Variants in TTLL11 observed in about 807,000 individuals in gnomAD.
TTLL11 encodes tubulin tyrosine ligase like 11.
In TTLL11, 42 loss-of-function variants were observed where a neutral mutation model predicts 51.7. The ratio of observed to expected loss-of-function variants is 0.81; its 90% CI spans 0.64 to 1.05. TTLL11 has a LOEUF of 1.05. Among genes scored for constraint, TTLL11 ranks in the 50% least tolerant of loss-of-function variants. The probability of loss-of-function intolerance (pLI) is 0.00; values close to 1 mark genes in which losing one functional copy is unlikely to be tolerated. For synonymous variants in TTLL11, 381 were observed against 383.5 expected (o/e 0.99, Z 0.08); for missense variants, 799 against 940.4 (o/e 0.85, Z 1.97).
At chr9:121,902,127 T>C (rs1317253773) in intron 6 of TTLL11, among the ~76,000 whole-genome samples, 1 of 151,704 alleles carries the variant, frequency 6.6e-6, no homozygotes, top group African/African-American at 2.4e-5. Flanking sequence ...AATAAAACCA[T>C]GGGCAATCAA....
At chr9:122,079,708 CAA>C (rs150125190) in intron 1 of TTLL11, among the ~76,000 whole-genome samples, 7 of 120,432 alleles carry the variant, frequency 5.8e-5, no homozygotes, top group East Asian at 2.4e-4. Flanking sequence ...GACTCTGTCT[CAA>C]AAAAAAAAAA....
intron 3 of TTLL11, among the ~76,000 whole-genome samples, chr9:121,999,743 C>T (rs573698141): frequency 2.6e-5 from 4 of 152,350 alleles, no homozygotes; most frequent in South Asian, 2.1e-4. Context: ...CACCCACACA[C>T]GTGCGCGTGC....
intron 3 of TTLL11, among the ~76,000 whole-genome samples, chr9:122,030,209 G>T (rs866668043): frequency 6.9e-6 from 1 of 144,524 alleles, no homozygotes; most frequent in Non-Finnish European, 1.5e-5. Context: ...CATTGGGGGG[G>T]GGGGGGTAAT....
chr9:121,979,780 A>G (rs1842789790), intron 4 of TTLL11, among the ~76,000 whole-genome samples: 1 of 152,160 alleles, frequency 6.6e-6, no homozygotes, highest in African/African-American at 2.4e-5. Context: ...AATGAAGCCC[A>G]AGTCCCACAG....
chr9:122,018,109 CTTTTT>C (rs386416144), intron 3 of TTLL11, among the ~76,000 whole-genome samples: 5,731 of 121,602 alleles, frequency 0.047, 107 homozygotes, highest in African/African-American at 0.076. Flanking sequence ...AATAATGCCA[CTTTTT>C]TTTTTTTTTT....
intron 7 of TTLL11, among the ~76,000 whole-genome samples, chr9:121,862,377 G>A (rs1267676972): frequency 6.6e-6 from 1 of 152,132 alleles, no homozygotes; most frequent in Non-Finnish European, 1.5e-5. Context: ...TGCCCACATG[G>A]TTGTGAGTAC....
rs975422327 is a variant in TTLL11 at position 122,093,164 on chromosome 9, G to A, written c.-16C>T. The stretch of plus-strand genomic sequence containing the variant: ...CCCGCCGCATGGTGCTCAGGGCCGG[G>A]GCCAGTGCCAGTGCCACCGCCGCCG... On this transcript the variant is annotated 5_prime_UTR_variant, in exon 1 of 9. Transcript: ENST00000321582. 6.2e-5 allele frequency: 92 copies of A among 1,494,996 alleles called. No individual in the cohort carries two copies. The highest frequency in any genetic ancestry group is 1.1e-4 in the Admixed American group (5 of 45,666). 92.6% of individuals were successfully genotyped at this position (1,494,996 alleles called of 1,614,324 possible). A position where few individuals can be genotyped will look rare whatever the true frequency, so the allele number is the denominator to read the frequency against.
chr9:121,981,416 G>A (rs1012223101), intron 4 of TTLL11, among the ~76,000 whole-genome samples: 66 of 152,040 alleles, frequency 4.3e-4, no homozygotes, highest in African/African-American at 1.5e-3. Flanking sequence ...CTTTTCACTA[G>A]TTTCCATTTC....
intron 8 of TTLL11, among the ~76,000 whole-genome samples, chr9:121,835,897 C>T (rs1167455799): frequency 2.0e-5 from 3 of 152,156 alleles, no homozygotes; most frequent in African/African-American, 7.2e-5. Context: ...TCCTATAGAA[C>T]CTTTGGAGGC....
chr9:121,975,651 G>T (rs1842688725), intron 4 of TTLL11, among the ~76,000 whole-genome samples: 1 of 152,204 alleles, frequency 6.6e-6, no homozygotes, highest in Admixed American at 6.5e-5. Context: ...GGTGGAGGTT[G>T]CAGTGAGCCA....
At chr9:121,831,689 G>C (rs1167423571) in intron 8 of TTLL11, among the ~76,000 whole-genome samples, 1 of 132,996 alleles carries the variant, frequency 7.5e-6, no homozygotes, top group East Asian at 2.2e-4. Flanking sequence ...AAGAGAGAGA[G>C]ACTCTGTCTC....
At chr9:122,069,400 G>C (rs1275872344) in intron 1 of TTLL11, among the ~76,000 whole-genome samples, 2 of 152,088 alleles carry the variant, frequency 1.3e-5, no homozygotes, top group African/African-American at 4.8e-5. Context: ...AGGCTGGAAG[G>C]GGCTGGGCAT....
rs1164150324 is a variant in TTLL11 at position 122,063,125 on chromosome 9, T to C, written c.463-23757A>G. On this transcript the variant is annotated intron_variant, in intron 1 of 8. Transcript: ENST00000321582. ...CATCTTAATTGCTCCTTTGCCCGAATTTTTTTTACCTGAATGTCAAGAAAC... is the reference window on the plus strand; with the variant it reads ...CATCTTAATTGCTCCTTTGCCCGAACTTTTTTTACCTGAATGTCAAGAAAC... Among the ~76,000 whole-genome samples, 4 of 152,206 alleles carry C rather than the reference T, an allele frequency of 2.6e-5. No individual in the cohort carries two copies. The East Asian group carries it at 5.8e-4, about 22-fold the overall frequency.
intron 1 of TTLL11, among the ~76,000 whole-genome samples, chr9:122,066,318 C>G (rs1316643099): frequency 1.3e-5 from 2 of 151,858 alleles, no homozygotes; most frequent in Non-Finnish European, 2.9e-5. Flanking sequence ...AATGATTTCC[C>G]TTTACTAAGA....
intron 4 of TTLL11, among the ~76,000 whole-genome samples, chr9:121,987,594 A>C (rs1210252103): frequency 6.6e-6 from 1 of 151,776 alleles, no homozygotes; most frequent in African/African-American, 2.4e-5. Context: ...TCTCCAGTCA[A>C]CTCCTTACGA....
At chr9:122,055,358 C>T (rs975218615) in intron 1 of TTLL11, among the ~76,000 whole-genome samples, 4 of 152,100 alleles carry the variant, frequency 2.6e-5, no homozygotes, top group African/African-American at 9.7e-5. Context: ...ACTTGGAATC[C>T]GATGTTCAAA....
chr9:122,035,793 G>C (rs548298926), intron 2 of TTLL11, among the ~76,000 whole-genome samples: 2 of 152,070 alleles, frequency 1.3e-5, no homozygotes, highest in Admixed American at 1.3e-4. Context: ...AAGCTGACCC[G>C]TGTCACTGTC....
At chr9:122,046,106 T>A (rs1844992485) in intron 1 of TTLL11, among the ~76,000 whole-genome samples, 1 of 152,168 alleles carries the variant, frequency 6.6e-6, no homozygotes, top group African/African-American at 2.4e-5. Flanking sequence ...TTAAGCCCCC[T>A]GATAGAGTTT....
chr9:122,048,341 A>C (rs541346855), intron 1 of TTLL11, among the ~76,000 whole-genome samples: 1 of 151,898 alleles, frequency 6.6e-6, no homozygotes, highest in South Asian at 2.1e-4. Context: ...TATATCTTTT[A>C]CTTTTTGTAG....
Sources: allele counts gnomAD v4.1 joint callset (sites outside exome capture counted in the v4.1 genomes callset), GRCh38; gene constraint gnomAD v4.1.1; transcripts MANE v1.5; gene names NCBI Gene and HGNC (gene_info 2026-07-23, HGNC 2026-07-21).